Variants in TMEM19 observed in about 807,000 individuals in gnomAD.
TMEM19 encodes the protein transmembrane protein 19.
In TMEM19, 21 loss-of-function variants were observed where a neutral mutation model predicts 33.6. The ratio of observed to expected loss-of-function variants is 0.62; its 90% CI spans 0.44 to 0.90. The LOEUF (loss-of-function observed/expected upper bound fraction) is 0.90. TMEM19 is among the 40% of genes least tolerant of loss of function. TMEM19 has a pLI of 0.00. For missense variants in TMEM19, 402 were observed against 401.8 expected (o/e 1.00, Z 0.00); for synonymous variants, 149 against 147.5 (o/e 1.01, Z -0.07).
chr12:71,701,232 C>G lies in TMEM19; in HGVS notation c.*237C>G. 1 of 370,654 alleles carries G rather than the reference C, an allele frequency of 2.7e-6. No individual in the cohort carries two copies. The highest frequency in any genetic ancestry group is 4.4e-5 in the East Asian group (1 of 22,500). The allele number at this position is 370,654 out of a possible 1,614,324, so 23.0% of individuals were successfully genotyped here. A position where few individuals can be genotyped will look rare whatever the true frequency, so the allele number is the denominator to read the frequency against. On this transcript the variant is annotated 3_prime_UTR_variant, in exon 6 of 6. Coordinates refer to ENST00000266673, the MANE Select transcript of TMEM19 (RefSeq NM_018279.4). ...CATTTTTTTCCTGCTGAATGGAAGT[C>G]TTGAGCAATGAAGCTATATTGTCCC...
chr12:71,704,486 A>ATC lies in TMEM19; in HGVS notation c.*3492_*3493dup, dbSNP rs1882038772. On this transcript the variant is annotated 3_prime_UTR_variant, in exon 6 of 6. Transcript: ENST00000266673. ...AGTTTTATGTAATGTTCCCAGTGCTATCACAATGAGAATGATCTATACTAG... is the reference window on the plus strand; with the variant it reads ...AGTTTTATGTAATGTTCCCAGTGCTATCTCACAATGAGAATGATCTATACTAG... The ATC allele has an allele frequency of 6.6e-6, 1 of 152,614 alleles. No homozygotes were observed. Among genetic ancestry groups the ATC allele is most frequent in the African/African-American group, 2.4e-5 (1 of 41,462 alleles). The allele number at this position is 152,614 out of a possible 1,614,324, so 9.5% of individuals were successfully genotyped here.
At chr12:71,695,600 T>A (rs763057946) in intron 2 of TMEM19, among the ~76,000 whole-genome samples, 14 of 152,248 alleles carry the variant, frequency 9.2e-5, no homozygotes, top group Non-Finnish European at 1.6e-4. Flanking sequence ...ACTGGAACTG[T>A]TGCTGTTATT....
At chr12:71,697,008 A>C (rs894600091) in intron 3 of TMEM19, among the ~76,000 whole-genome samples, 2 of 152,284 alleles carry the variant, frequency 1.3e-5, no homozygotes, top group East Asian at 3.9e-4. Flanking sequence ...TTATATGAGA[A>C]TTCCTTTAGT....
rs57138830 is a variant in TMEM19, at chr12:71,691,605, CAAAAAAAAAAAAAA to C, written c.244+1921_244+1934del. ...ACAGCATAATGAGACTTCACCTCTACAAAAAAAAAAAAAAAAAAAAAAAAAAAAAAAAATTAGCC... is the reference window on the plus strand; with the variant it reads ...ACAGCATAATGAGACTTCACCTCTACAAAAAAAAAAAAAAAAAAATTAGCC... On this transcript the variant is annotated intron_variant, in intron 2 of 5. Coordinates refer to ENST00000266673, the MANE Select transcript of TMEM19 (RefSeq NM_018279.4). 3.4e-3 allele frequency among the ~76,000 whole-genome samples: 167 copies of C among 49,522 alleles called. 1 individual carries two copies. The highest frequency in any genetic ancestry group is 0.032 in the South Asian group (32 of 1,004). The allele number at this position is 49,522 out of a possible 152,430, so 32.5% of individuals were successfully genotyped here. A position where few individuals can be genotyped will look rare whatever the true frequency, so the allele number is the denominator to read the frequency against.
Position 71,691,914 on chromosome 12 carries a change from G to C in TMEM19, c.244+2210G>C, listed in dbSNP as rs534849089. 6.6e-5 allele frequency among the ~76,000 whole-genome samples: 10 copies of C among 152,206 alleles called. No homozygotes were observed. In the South Asian group the frequency reaches 2.1e-3, roughly 32 times the overall value. On this transcript the variant is annotated intron_variant, in intron 2 of 5. Transcript: ENST00000266673. ...TTGTTTCTTTCCTGCTGCTAGAAGG[G>C]CTGCCTTGTAGCCCTTGGACATCTG... is the stretch of plus-strand genomic sequence containing the variant.
chr12:71,687,533 G>T (rs2137590527), intron 1 of TMEM19, among the ~76,000 whole-genome samples: 1 of 152,046 alleles, frequency 6.6e-6, no homozygotes. Flanking sequence ...CTCCAGCCTG[G>T]GCCACAGAGC....
intron 2 of TMEM19, among the ~76,000 whole-genome samples, chr12:71,693,524 A>G (rs533537384): frequency 1.3e-5 from 2 of 152,316 alleles, no homozygotes; most frequent in East Asian, 3.9e-4. Context: ...TGAAGGAATA[A>G]TGGTATCTAT....
Position 71,686,830 on chromosome 12 carries a change from G to T in TMEM19, c.130+20G>T. ...ATTATGGTAAGTCTGAGTGTTCTAA[G>T]TTGTTTCTCTGTAATCTAGTCAGAG... On this transcript the variant is annotated intron_variant, in intron 1 of 5. Transcript: ENST00000266673. 1 of 1,585,174 alleles carries T rather than the reference G, an allele frequency of 6.3e-7. No individual in the cohort carries two copies. Among genetic ancestry groups the T allele is most frequent in the Non-Finnish European group, 8.6e-7 (1 of 1,169,134 alleles).
intron 1 of TMEM19, among the ~76,000 whole-genome samples, chr12:71,689,366 A>G (rs1881745829): frequency 6.6e-6 from 1 of 152,202 alleles, no homozygotes; most frequent in African/African-American, 2.4e-5. Flanking sequence ...GGTGTGTGTA[A>G]GTACAGTCTG....
chr12:71,698,813 T>G, intron 4 of TMEM19, 87 bp from the exon 5 acceptor site: 1 of 1,168,278 alleles, frequency 8.6e-7, no homozygotes, highest in Non-Finnish European at 1.3e-6. Flanking sequence ...TTTAAATTAG[T>G]CTTGATTAGA....
chr12:71,693,841 A>G (rs1234091814), intron 2 of TMEM19, among the ~76,000 whole-genome samples: 1 of 152,124 alleles, frequency 6.6e-6, no homozygotes, highest in Admixed American at 6.5e-5. Context: ...GTTCACCTAC[A>G]CAAGCCCCCT....
chr12:71,686,507 A>G lies in TMEM19; in HGVS notation c.-174A>G. ...CCCATATGAATTGGAGCTCTCCGCCAGTAGGAGTTTCCGGAAGGAGTTTGA... is the reference window on the plus strand; with the variant it reads ...CCCATATGAATTGGAGCTCTCCGCCGGTAGGAGTTTCCGGAAGGAGTTTGA... On this transcript the variant is annotated 5_prime_UTR_variant, in exon 1 of 6. Transcript: ENST00000266673. 2 of 624,288 alleles carry G rather than the reference A, an allele frequency of 3.2e-6. No individual in the cohort carries two copies. The highest frequency in any genetic ancestry group is 5.3e-6 in the Non-Finnish European group (2 of 380,926). The allele number at this position is 624,288 out of a possible 1,614,324, so 38.7% of individuals were successfully genotyped here. A position where few individuals can be genotyped will look rare whatever the true frequency, so the allele number is the denominator to read the frequency against.
chr12:71,700,214 G>A (rs572924352), intron 5 of TMEM19, among the ~76,000 whole-genome samples: 7 of 152,246 alleles, frequency 4.6e-5, no homozygotes, highest in South Asian at 2.1e-4. Context: ...AACTCTACAC[G>A]CACACACAGA....
At chr12:71,694,489 C>A (rs1881837761) in intron 2 of TMEM19, among the ~76,000 whole-genome samples, 1 of 152,158 alleles carries the variant, frequency 6.6e-6, no homozygotes, top group Non-Finnish European at 1.5e-5. Flanking sequence ...TGCTCATTGT[C>A]ATAAAGGATT....
intron 4 of TMEM19, among the ~76,000 whole-genome samples, chr12:71,698,610 AGAGAGAGAGAGAGAGAGAGAGAGAG>A (rs1245935642): frequency 6.3e-5 from 3 of 47,550 alleles, no homozygotes; most frequent in East Asian, 3.0e-4. Context: ...CTCTGAAAAG[AGAGAGAGAGAGAGAGAGAGAGAGAG>A]AGAGAGAGAG....
rs920249425 is a variant in TMEM19, at chr12:71,697,204, A to G, written c.383-76A>G. On this transcript the variant is annotated intron_variant, in intron 3 of 5. Transcript: ENST00000266673. ...TTTTTCTTTTCTTAAACTTTAAAAC[A>G]TAAACACCTATAACTGCATGGTTTT... The G allele has an allele frequency of 2.9e-5, 44 of 1,514,994 alleles. No individual in the cohort carries two copies. In the African/African-American group the frequency reaches 4.7e-4, roughly 16 times the overall value. The allele number at this position is 1,514,994 out of a possible 1,614,324, so 93.8% of individuals were successfully genotyped here. A position where few individuals can be genotyped will look rare whatever the true frequency, so the allele number is the denominator to read the frequency against.
intron 4 of TMEM19, among the ~76,000 whole-genome samples, 156 bp downstream of exon 4, chr12:71,697,690 T>C (rs1881899646): frequency 6.6e-6 from 1 of 152,228 alleles, no homozygotes; most frequent in South Asian, 2.1e-4. Context: ...GGAAAATTTC[T>C]GTCGACTATT....
chr12:71,701,203 T>G lies in TMEM19; in HGVS notation c.*208T>G. ...GTGAAAGAGAAGAATTCCTAGAACTTATGCATTTTTTTCCTGCTGAATGGA... is the reference window on the plus strand; with the variant it reads ...GTGAAAGAGAAGAATTCCTAGAACTGATGCATTTTTTTCCTGCTGAATGGA... On this transcript the variant is annotated 3_prime_UTR_variant, in exon 6 of 6. Coordinates refer to ENST00000266673, the MANE Select transcript of TMEM19 (RefSeq NM_018279.4). 2.3e-6 allele frequency: 1 copy of G among 436,168 alleles called. No homozygotes were observed. Among genetic ancestry groups the G allele is most frequent in the South Asian group, 5.5e-5 (1 of 18,084 alleles). The allele number at this position is 436,168 out of a possible 1,614,324, so 27.0% of individuals were successfully genotyped here. A position where few individuals can be genotyped will look rare whatever the true frequency, so the allele number is the denominator to read the frequency against.
intron 2 of TMEM19, among the ~76,000 whole-genome samples, chr12:71,690,964 T>C (rs1397304603): frequency 1.3e-5 from 2 of 152,376 alleles, no homozygotes. Flanking sequence ...AGGTCAAAAC[T>C]GTTGTACTCT....
Sources: allele counts gnomAD v4.1 joint callset (sites outside exome capture counted in the v4.1 genomes callset), GRCh38; gene constraint gnomAD v4.1.1; transcripts MANE v1.5; gene names NCBI Gene and HGNC (gene_info 2026-07-23, HGNC 2026-07-21).